The following PHF6 variants were observed in gnomAD, a reference collection of about 807,000 sequenced individuals.
PHF6 encodes PHD finger protein 6.
A neutral mutation model predicts 34.0 loss-of-function variants in PHF6; 7 were observed. That is an observed-to-expected ratio of 0.21 (90% CI 0.12 to 0.39). The LOEUF is 0.39. Among genes scored for constraint, PHF6 ranks in the 10% least tolerant of loss-of-function variants. The pLI is 1.00. For missense variants in PHF6, 128 were observed against 262.8 expected, an observed-to-expected ratio of 0.49 and a Z score of 3.55; for synonymous variants, 89 against 88.4, an observed-to-expected ratio of 1.01 and a Z score of -0.04.
chrX:134,403,253 A>G (rs904921676), intron 5 of PHF6, among the ~76,000 whole-genome samples: 3 of 112,237 alleles, frequency 2.7e-5, no homozygotes, highest in African/African-American at 9.7e-5. Context: ...TAAAAGTGCT[A>G]TTCCAGGGAA....
intron 5 of PHF6, among the ~76,000 whole-genome samples, chrX:134,411,405 CT>C (rs970127553): frequency 9.0e-6 from 1 of 111,007 alleles, no homozygotes; most frequent in Non-Finnish European, 1.9e-5. Flanking sequence ...ATGTGGGAAA[CT>C]AATCATGTTG....
intron 5 of PHF6, among the ~76,000 whole-genome samples, chrX:134,401,842 G>T (rs2077403522): frequency 8.9e-6 from 1 of 111,885 alleles, no homozygotes; most frequent in African/African-American, 3.2e-5. Flanking sequence ...GAAATTGCTT[G>T]TCAAATGATA....
intron 3 of PHF6, among the ~76,000 whole-genome samples, chrX:134,384,232 G>A (rs1444508426): frequency 9.0e-6 from 1 of 111,211 alleles, no homozygotes; most frequent in Non-Finnish European, 1.9e-5. Flanking sequence ...AATGGAATGA[G>A]TCTAGGAAAT....
intron 5 of PHF6, among the ~76,000 whole-genome samples, chrX:134,402,642 C>T (rs1006085631): frequency 1.3e-4 from 14 of 111,855 alleles, no homozygotes; most frequent in African/African-American, 3.9e-4. Context: ...AACAATGGCT[C>T]AGTACAGGCA....
At chrX:134,375,089 G>A (rs2124195649) in intron 1 of PHF6, among the ~76,000 whole-genome samples, 1 of 111,635 alleles carries the variant, frequency 9.0e-6, no homozygotes, top group East Asian at 2.8e-4. Flanking sequence ...TTTTTGCTAG[G>A]AGTCATTGTT....
chrX:134,425,271 C>A lies in PHF6; in HGVS notation c.1039C>A (p.Arg347=). The A allele has an allele frequency of 8.3e-7, 1 of 1,209,930 alleles. No homozygotes were observed. Among genetic ancestry groups the A allele is most frequent in the Non-Finnish European group, 1.1e-6 (1 of 894,476 alleles). The change falls in exon 10 of 11, where the codon CGA becomes AGA. Residue 347 remains arginine (R), a synonymous_variant. Coordinates refer to ENST00000370803, the MANE Select transcript of PHF6 (RefSeq NM_001015877.2). The part of the protein sequence containing the change: ...EEDEERESKS[R]GKVEIDQQQL... ...AGATGAGGAACGAGAGAGTAAAAGC[C>A]GAGGAAAAGTAGAAATTGATCAGCA...
At chrX:134,386,866 G>T (rs947055628) in intron 3 of PHF6, among the ~76,000 whole-genome samples, 1 of 111,949 alleles carries the variant, frequency 8.9e-6, no homozygotes, top group Non-Finnish European at 1.9e-5. Flanking sequence ...AAAGAAATGA[G>T]CATGGCTGTG....
chrX:134,412,326 C>T (rs1157265979), intron 5 of PHF6, among the ~76,000 whole-genome samples: 1 of 111,918 alleles, frequency 8.9e-6, no homozygotes, highest in Non-Finnish European at 1.9e-5. Context: ...TGCAAACAAC[C>T]TAATACTTGT....
intron 9 of PHF6, among the ~76,000 whole-genome samples, chrX:134,421,813 T>TAA (rs199852581): frequency 0.12 from 11,678 of 99,286 alleles, 658 homozygotes; most frequent in East Asian, 0.2. Flanking sequence ...TTGCTTTCTT[T>TAA]AAAAAAAAAA....
In PHF6 at chrX:134,427,078, C is replaced by T; in HGVS notation, c.*1418C>T. The T allele has an allele frequency of 6.1e-6, 1 of 164,697 alleles. No individual in the cohort carries two copies. Among genetic ancestry groups the T allele is most frequent in the Non-Finnish European group, 1.2e-5 (1 of 84,911 alleles). 13.6% of individuals were successfully genotyped at this position (164,697 alleles called of 1,213,427 possible). ...TAATGACTGATTTTTTTTTAAACTG[C>T]GAGTCCCTTAAGATCACGTTTGTCA... On this transcript the variant is annotated 3_prime_UTR_variant, in exon 11 of 11. Transcript: ENST00000370803.
intron 1 of PHF6, among the ~76,000 whole-genome samples, chrX:134,373,911 C>A (rs2077267826): frequency 9.5e-6 from 1 of 105,466 alleles, no homozygotes; most frequent in Non-Finnish European, 1.9e-5. Context: ...TAAGGGGAAG[C>A]TTACAACGAA....
chrX:134,415,505 T>C (rs747633097), intron 8 of PHF6, among the ~76,000 whole-genome samples: 19 of 112,121 alleles, frequency 1.7e-4, no homozygotes, highest in Non-Finnish European at 3.4e-4. Context: ...GGGCTGCCTC[T>C]TAAAATGTTT....
chrX:134,385,286 C>A (rs759188563), intron 3 of PHF6, among the ~76,000 whole-genome samples: 5 of 111,189 alleles, frequency 4.5e-5, no homozygotes, highest in Non-Finnish European at 9.4e-5. Flanking sequence ...AAAGTTCTGT[C>A]TGTTTTTGAG....
Position 134,427,817 on chromosome X carries a change from A to G in PHF6, c.*2157A>G, listed in dbSNP as rs774379898. ...TAAACCTCCAATGTTTTGATTCTCT[A>G]ATCATGTTTTCGTCACATGCTGAGT... On this transcript the variant is annotated 3_prime_UTR_variant, in exon 11 of 11. Coordinates refer to ENST00000370803, the MANE Select transcript of PHF6 (RefSeq NM_001015877.2). 4.4e-5 allele frequency: 7 copies of G among 158,269 alleles called. No homozygotes were observed. Among genetic ancestry groups the G allele is most frequent in the Non-Finnish European group, 6.1e-5 (5 of 81,358 alleles). 13.0% of individuals were successfully genotyped at this position (158,269 alleles called of 1,213,427 possible).
At chrX:134,409,602 G>A (rs746213176) in intron 5 of PHF6, among the ~76,000 whole-genome samples, 4 of 109,621 alleles carry the variant, frequency 3.6e-5, no homozygotes, top group Non-Finnish European at 7.6e-5. Context: ...CCATTTAGGG[G>A]CACTTGTTTT....
At chrX:134,408,683 A>G (rs1212889326) in intron 5 of PHF6, among the ~76,000 whole-genome samples, 2 of 111,624 alleles carry the variant, frequency 1.8e-5, no homozygotes, top group Admixed American at 9.6e-5. Flanking sequence ...TATAATATAG[A>G]TATTCTGCCA....
At position 134,424,903 on chromosome X, in the gene PHF6, T is replaced by C. The variant is rs779637760; in HGVS notation, c.969-298T>C. 1.4e-4 allele frequency among the ~76,000 whole-genome samples: 16 copies of C among 112,009 alleles called. No individual in the cohort carries two copies. In the South Asian group the frequency reaches 4.4e-3, roughly 31 times the overall value. On this transcript the variant is annotated intron_variant, in intron 9 of 10. Transcript: ENST00000370803. Reference sequence around the variant, plus strand: ...ATCAATATACCTGAAGGTTGGTATTTTTAAGTTGGCCAAAACTTTGCTTTT... The same window carrying C: ...ATCAATATACCTGAAGGTTGGTATTCTTAAGTTGGCCAAAACTTTGCTTTT...
At chrX:134,386,902 A>ATTTG (rs2077334193) in intron 3 of PHF6, among the ~76,000 whole-genome samples, 1 of 111,831 alleles carries the variant, frequency 8.9e-6, no homozygotes. Flanking sequence ...TTATTTACAA[A>ATTTG]AAGTTTTTTT....
At chrX:134,384,745 G>A (rs1284265484) in intron 3 of PHF6, among the ~76,000 whole-genome samples, 3 of 109,040 alleles carry the variant, frequency 2.8e-5, no homozygotes, top group Non-Finnish European at 5.7e-5. Flanking sequence ...TCTGCCTCCT[G>A]GGTTCACACC....
Sources: allele counts gnomAD v4.1 joint callset (sites outside exome capture counted in the v4.1 genomes callset), GRCh38; gene constraint gnomAD v4.1.1; transcripts MANE v1.5; gene names NCBI Gene and HGNC (gene_info 2026-07-23, HGNC 2026-07-21).